Variants in EXOC6B observed in about 807,000 individuals in gnomAD.
EXOC6B encodes the protein exocyst complex component 6B, also known as SEC15 homolog B.
Under a neutral mutation model 113.5 loss-of-function variants are expected in EXOC6B, and 54 were observed. The observed-to-expected ratio is 0.48, with a 90% confidence interval of 0.38 to 0.60. The LOEUF is 0.60. EXOC6B is among the 20% of genes least tolerant of loss of function. The pLI is 0.00. For synonymous variants in EXOC6B, 357 were observed against 339.0 expected, an observed-to-expected ratio of 1.05 and a Z score of -0.58; for missense variants, 797 against 977.5, an observed-to-expected ratio of 0.82 and a Z score of 2.46.
intron 1 of EXOC6B, among the ~76,000 whole-genome samples, chr2:72,775,708 A>G (rs1307891287): frequency 6.6e-6 from 1 of 152,236 alleles, no homozygotes; most frequent in Admixed American, 6.5e-5. Flanking sequence ...TTTTGTAATG[A>G]CGGAACTTTA....
intron 20 of EXOC6B, among the ~76,000 whole-genome samples, chr2:72,258,869 T>C (rs188911675): frequency 2.6e-5 from 4 of 152,304 alleles, no homozygotes; most frequent in Admixed American, 2.6e-4. Context: ...ATACAGATAG[T>C]TGAAAGAATT....
At chr2:72,497,581 T>C (rs1700104541) in intron 13 of EXOC6B, among the ~76,000 whole-genome samples, 1 of 152,126 alleles carries the variant, frequency 6.6e-6, no homozygotes, top group Non-Finnish European at 1.5e-5. Context: ...TTAAATACAA[T>C]TATACCATTA....
At chr2:72,361,321 G>C (rs1180180903) in intron 19 of EXOC6B, among the ~76,000 whole-genome samples, 5 of 152,164 alleles carry the variant, frequency 3.3e-5, no homozygotes, top group Non-Finnish European at 5.9e-5. Flanking sequence ...TACTTTCACA[G>C]TTTGCTGATG....
chr2:72,631,426 G>GTGTGTGTGTATATATA (rs1290760055), intron 6 of EXOC6B, among the ~76,000 whole-genome samples: 9 of 28,164 alleles, frequency 3.2e-4, no homozygotes, highest in African/African-American at 1.0e-3. Flanking sequence ...GTGTGTGTGT[G>GTGTGTGTGTATATATA]TATATATATA....
intron 6 of EXOC6B, among the ~76,000 whole-genome samples, chr2:72,596,087 G>A (rs1464182117): frequency 6.6e-6 from 1 of 152,142 alleles, no homozygotes; most frequent in African/African-American, 2.4e-5. Context: ...GACAGCCCAG[G>A]AAGAATGAGT....
chr2:72,602,523 C>A (rs1670495831), intron 6 of EXOC6B, among the ~76,000 whole-genome samples: 1 of 152,162 alleles, frequency 6.6e-6, no homozygotes, highest in Non-Finnish European at 1.5e-5. Flanking sequence ...TAATTAAAAT[C>A]TTTCAAATAT....
chr2:72,305,034 G>A (rs1686751168), intron 20 of EXOC6B, among the ~76,000 whole-genome samples: 1 of 152,182 alleles, frequency 6.6e-6, no homozygotes, highest in Non-Finnish European at 1.5e-5. Context: ...CACTAAATCA[G>A]AATAACTGCA....
chr2:72,668,908 CT>C (rs1675584035), intron 6 of EXOC6B, among the ~76,000 whole-genome samples: 1 of 152,034 alleles, frequency 6.6e-6, no homozygotes, highest in East Asian at 1.9e-4. Flanking sequence ...CATGTACCCC[CT>C]AATTCTAAAA....
intron 16 of EXOC6B, 83 bp downstream of exon 16, chr2:72,492,235 T>C (rs1377760080): frequency 4.6e-6 from 3 of 652,944 alleles, no homozygotes; most frequent in Non-Finnish European, 7.8e-6. Context: ...GTAGAAAGTT[T>C]TAACGAATTC....
chr2:72,369,897 C>T (rs1342073787), intron 19 of EXOC6B, among the ~76,000 whole-genome samples: 1 of 152,088 alleles, frequency 6.6e-6, no homozygotes, highest in Non-Finnish European at 1.5e-5. Flanking sequence ...AGACCTAAAA[C>T]CATAAAAACC....
chr2:72,562,842 G>A (rs139804926), intron 7 of EXOC6B, among the ~76,000 whole-genome samples: 1 of 152,120 alleles, frequency 6.6e-6, no homozygotes, highest in African/African-American at 2.4e-5. Context: ...TTTTCTAGAA[G>A]TTCAAATACA....
intron 8 of EXOC6B, among the ~76,000 whole-genome samples, chr2:72,539,598 C>T (rs1046780057): frequency 2.0e-5 from 3 of 152,082 alleles, no homozygotes; most frequent in African/African-American, 7.2e-5. Flanking sequence ...GCTGGCTTTC[C>T]TTGTTACATT....
chr2:72,266,161 G>T (rs968491181), intron 20 of EXOC6B, among the ~76,000 whole-genome samples: 23 of 152,064 alleles, frequency 1.5e-4, no homozygotes, highest in African/African-American at 5.5e-4. Flanking sequence ...TTAGCCCTTT[G>T]CCAGATGAGT....
At chr2:72,459,328 C>T (rs1195050766) in intron 18 of EXOC6B, among the ~76,000 whole-genome samples, 1 of 152,098 alleles carries the variant, frequency 6.6e-6, no homozygotes, top group Non-Finnish European at 1.5e-5. Context: ...CACTCCTGTT[C>T]AACATAGTGT....
chr2:72,568,550 C>G (rs532984282), intron 7 of EXOC6B, among the ~76,000 whole-genome samples: 1 of 151,876 alleles, frequency 6.6e-6, no homozygotes, highest in African/African-American at 2.4e-5. Context: ...CACACACGCA[C>G]GCACGCACAC....
At chr2:72,607,528 A>G (rs1389922777) in intron 6 of EXOC6B, among the ~76,000 whole-genome samples, 1 of 152,198 alleles carries the variant, frequency 6.6e-6, no homozygotes, top group Non-Finnish European at 1.5e-5. Flanking sequence ...CTCTCAAAAA[A>G]TAAATTTTTT....
chr2:72,260,315 G>A (rs978756020), intron 20 of EXOC6B, among the ~76,000 whole-genome samples: 2 of 152,156 alleles, frequency 1.3e-5, no homozygotes, highest in Non-Finnish European at 1.5e-5. Flanking sequence ...GGTGAGGTGA[G>A]GTTGATGAGG....
At chr2:72,572,709 T>C (rs1028869401) in intron 7 of EXOC6B, among the ~76,000 whole-genome samples, 1 of 152,180 alleles carries the variant, frequency 6.6e-6, no homozygotes, top group African/African-American at 2.4e-5. Context: ...CGAAAGACCT[T>C]ATCTGAAGAA....
chr2:72,566,751 T>A (rs1371472828), intron 7 of EXOC6B, among the ~76,000 whole-genome samples: 1 of 152,068 alleles, frequency 6.6e-6, no homozygotes, highest in Non-Finnish European at 1.5e-5. Context: ...TACTTTTTAA[T>A]AAGAAAACAT....
Sources: allele counts gnomAD v4.1 joint callset (sites outside exome capture counted in the v4.1 genomes callset), GRCh38; gene constraint gnomAD v4.1.1; transcripts MANE v1.5; gene names NCBI Gene and HGNC (gene_info 2026-07-23, HGNC 2026-07-21).